Variants in MSI2 observed in about 807,000 individuals in gnomAD.
MSI2 encodes RNA-binding protein Musashi homolog 2.
In MSI2, 17 loss-of-function variants were observed where a neutral mutation model predicts 45.6. That is an observed-to-expected ratio of 0.37 (90% confidence interval 0.26 to 0.56). MSI2 has a LOEUF of 0.56. Ranked by LOEUF, MSI2 falls within the 20% of genes least tolerant of loss-of-function variation. The pLI is 0.77. For missense variants in MSI2, 293 were observed against 444.2 expected (o/e 0.66, Z 3.06); for synonymous variants, 156 against 158.2 (o/e 0.99, Z 0.11).
chr17:57,369,655 G>A (rs907591733), intron 5 of MSI2, among the ~76,000 whole-genome samples: 1 of 152,198 alleles, frequency 6.6e-6, no homozygotes, highest in African/African-American at 2.4e-5. Flanking sequence ...GGAAAAGAGG[G>A]GCCCAGGGCC....
At chr17:57,621,615 T>A (rs1304668349) in intron 9 of MSI2, among the ~76,000 whole-genome samples, 1 of 152,244 alleles carries the variant, frequency 6.6e-6, no homozygotes, top group Non-Finnish European at 1.5e-5. Context: ...AACTAATTTT[T>A]AAATATCATT....
intron 5 of MSI2, among the ~76,000 whole-genome samples, chr17:57,345,006 T>C (rs1180910060): frequency 1.3e-5 from 2 of 151,902 alleles, no homozygotes; most frequent in Non-Finnish European, 2.9e-5. Context: ...GAGCTTGCAG[T>C]GAGCCGAGAT....
At chr17:57,471,120 A>T (rs143244289) in intron 6 of MSI2, among the ~76,000 whole-genome samples, 8 of 151,738 alleles carry the variant, frequency 5.3e-5, no homozygotes, top group Non-Finnish European at 1.2e-4. Flanking sequence ...CCCACCTCAC[A>T]CCCTACCCCC....
At chr17:57,322,022 C>G (rs750377102) in intron 5 of MSI2, among the ~76,000 whole-genome samples, 1 of 152,160 alleles carries the variant, frequency 6.6e-6, no homozygotes, top group African/African-American at 2.4e-5. Flanking sequence ...GTCTCGAACT[C>G]CTGACCTCAG....
At chr17:57,444,040 A>C (rs2084850158) in intron 6 of MSI2, among the ~76,000 whole-genome samples, 5 of 152,144 alleles carry the variant, frequency 3.3e-5, no homozygotes, top group Admixed American at 2.0e-4. Flanking sequence ...AGGGAAGAAG[A>C]CAAGAAACGG....
chr17:57,654,303 G>A lies in MSI2; in HGVS notation c.790+2142G>A, dbSNP rs538097707. 3.3e-5 allele frequency among the ~76,000 whole-genome samples: 5 copies of A among 152,348 alleles called. No homozygotes were observed. In the East Asian group the frequency reaches 9.6e-4, roughly 29 times the overall value. On this transcript the variant is annotated intron_variant, in intron 11 of 13. Coordinates refer to ENST00000284073, the MANE Select transcript of MSI2 (RefSeq NM_138962.4). ...GCAGGAAGACACTTGCCTGTGTGTA[G>A]CCAGGCTACCCTAGTTCCTCAGCCC...
At chr17:57,620,181 C>T (rs1908156847) in intron 9 of MSI2, among the ~76,000 whole-genome samples, 1 of 152,244 alleles carries the variant, frequency 6.6e-6, no homozygotes, top group Admixed American at 6.5e-5. Flanking sequence ...GGACTCTTCA[C>T]TCTATCAGCT....
At chr17:57,363,277 C>T (rs1220148901) in intron 5 of MSI2, among the ~76,000 whole-genome samples, 2 of 152,194 alleles carry the variant, frequency 1.3e-5, no homozygotes, top group African/African-American at 4.8e-5. Context: ...TATGGCTCCT[C>T]CTATATGAGG....
intron 6 of MSI2, among the ~76,000 whole-genome samples, chr17:57,430,811 G>A (rs2084580394): frequency 6.6e-6 from 1 of 152,204 alleles, no homozygotes; most frequent in East Asian, 1.9e-4. Flanking sequence ...AGGAAGCAAG[G>A]CTGTGGTGGT....
intron 6 of MSI2, chr17:57,448,740 G>A (rs1319350503): frequency 6.6e-6 from 1 of 152,186 alleles, no homozygotes. Flanking sequence ...TTGGCTCTAG[G>A]AGCCTCGAAA....
chr17:57,331,237 T>A lies in MSI2; in HGVS notation c.312+69045T>A, dbSNP rs564247773. Reference sequence around the variant, plus strand: ...CCATGTTCTTTGTGTCTCAGAGCAGTTTAAATTAAATAATGAAACTTCTTG... The same window carrying A: ...CCATGTTCTTTGTGTCTCAGAGCAGATTAAATTAAATAATGAAACTTCTTG... On this transcript the variant is annotated intron_variant, in intron 5 of 13. Coordinates refer to ENST00000284073, the MANE Select transcript of MSI2 (RefSeq NM_138962.4). 2.0e-5 allele frequency among the ~76,000 whole-genome samples: 3 copies of A among 152,190 alleles called. No homozygotes were observed. In the South Asian group the frequency reaches 6.2e-4, roughly 32 times the overall value.
At chr17:57,458,045 G>A (rs2085149426) in intron 6 of MSI2, among the ~76,000 whole-genome samples, 1 of 150,874 alleles carries the variant, frequency 6.6e-6, no homozygotes, top group African/African-American at 2.4e-5. Context: ...ATACCATATT[G>A]CATATATATA....
At chr17:57,295,992 C>CTTTTTTTTTTTTT (rs386386327) in intron 5 of MSI2, among the ~76,000 whole-genome samples, 1 of 38,656 alleles carries the variant, frequency 2.6e-5, no homozygotes, top group African/African-American at 6.8e-5. Context: ...CGCAGCCTTC[C>CTTTTTTTTTTTTT]TTTTTTTTTT....
chr17:57,370,536 T>C (rs73325474), intron 5 of MSI2, among the ~76,000 whole-genome samples: 5,596 of 152,272 alleles, frequency 0.037, 362 homozygotes, highest in African/African-American at 0.13. Context: ...GGGGGTGTTA[T>C]CAGGAGTTAG....
downstream of MSI2, among the ~76,000 whole-genome samples, chr17:57,688,848 G>T (rs1027376884): frequency 1.3e-5 from 2 of 152,058 alleles, no homozygotes; most frequent in Admixed American, 6.5e-5. Context: ...TATGTTTAAA[G>T]ATTTCACTGA....
chr17:57,502,262 T>C (rs1053065217), intron 6 of MSI2, among the ~76,000 whole-genome samples: 1 of 152,170 alleles, frequency 6.6e-6, no homozygotes, highest in Non-Finnish European at 1.5e-5. Context: ...CATTAAAAGA[T>C]GAGTTTAACT....
intron 7 of MSI2, among the ~76,000 whole-genome samples, chr17:57,556,234 A>G (rs941281256): frequency 1.3e-5 from 2 of 152,208 alleles, no homozygotes; most frequent in Admixed American, 6.5e-5. Flanking sequence ...CTAAAAGGAA[A>G]TGATTGATAA....
intron 10 of MSI2, chr17:57,631,342 T>C (rs1158312848): frequency 6.4e-6 from 1 of 155,450 alleles, no homozygotes; most frequent in East Asian, 1.9e-4. Context: ...AGGGTCCTCC[T>C]TTCCACCTGG....
chr17:57,295,871 G>C (rs1910881024), intron 5 of MSI2, among the ~76,000 whole-genome samples: 1 of 152,140 alleles, frequency 6.6e-6, no homozygotes, highest in Non-Finnish European at 1.5e-5. Context: ...TCTTTGCTTG[G>C]GGGAGAGGAG....
Sources: allele counts gnomAD v4.1 joint callset (sites outside exome capture counted in the v4.1 genomes callset), GRCh38; gene constraint gnomAD v4.1.1; transcripts MANE v1.5; gene names NCBI Gene and HGNC (gene_info 2026-07-23, HGNC 2026-07-21).